CACNA1C: variants seen among roughly 807,000 people sequenced by gnomAD.
CACNA1C encodes voltage-dependent L-type calcium channel subunit alpha-1C.
CACNA1C carries 30 observed loss-of-function variants against 229.0 expected under a neutral mutation model. The ratio of observed to expected loss-of-function variants is 0.13; its 90% confidence interval spans 0.10 to 0.18. The LOEUF (loss-of-function observed/expected upper bound fraction) is 0.18. Ranked by LOEUF, CACNA1C falls within the 10% of genes least tolerant of loss-of-function variation. The pLI, the probability that CACNA1C is intolerant of heterozygous loss-of-function variation, is 1.00. For missense variants in CACNA1C, 1,658 were observed against 2,845.0 expected (o/e 0.58, Z 9.49); for synonymous variants, 1,114 against 1,132.5 (o/e 0.98, Z 0.33).
chr12:1,998,279 A>T (rs2041410428), intron 1 of CACNA1C, among the ~76,000 whole-genome samples: 1 of 152,220 alleles, frequency 6.6e-6, no homozygotes, highest in Non-Finnish European at 1.5e-5. Flanking sequence ...TAAGTGTGCT[A>T]TGCGGATTTA....
At position 2,597,297 on chromosome 12, in the gene CACNA1C, C is replaced by A. The variant is rs769463930; in HGVS notation, c.2853+8C>A. 2 of 1,603,986 alleles carry A rather than the reference C, an allele frequency of 1.2e-6. No homozygotes were observed. The highest frequency in any genetic ancestry group is 2.7e-5 in the African/African-American group (2 of 74,636). ...ATTGAAATTGCTCTGAAGGTAAAGC[C>A]CCCATCCCCTTCTGCTCCTCCTGTC... On this transcript the variant is annotated splice_region_variant and intron_variant, in intron 21 of 46. Coordinates refer to ENST00000399655, the MANE Select transcript of CACNA1C (RefSeq NM_000719.7). The surrounding 1 kb of genome is among the most constrained non-coding windows in gnomAD (Gnocchi z 4.3).
intron 3 of CACNA1C, among the ~76,000 whole-genome samples, chr12:2,338,322 A>G (rs1158491501): frequency 6.6e-6 from 1 of 152,206 alleles, no homozygotes; most frequent in East Asian, 1.9e-4. Context: ...TAGCATCCCC[A>G]TGCAGTCCAT....
chr12:1,973,647 A>G (rs1170548905), intron 1 of CACNA1C, among the ~76,000 whole-genome samples: 1 of 152,198 alleles, frequency 6.6e-6, no homozygotes, highest in Non-Finnish European at 1.5e-5. Context: ...ACCAAAGGTC[A>G]TATGGAATCT....
chr12:2,278,213 A>G (rs1350584202), intron 3 of CACNA1C, among the ~76,000 whole-genome samples: 2 of 152,248 alleles, frequency 1.3e-5, no homozygotes, highest in Non-Finnish European at 2.9e-5. Flanking sequence ...TTTCATACAT[A>G]AGATTCACCC....
intron 30 of CACNA1C, among the ~76,000 whole-genome samples, chr12:2,648,210 A>G (rs528653549): frequency 3.8e-4 from 58 of 152,278 alleles, no homozygotes; most frequent in African/African-American, 1.3e-3. Flanking sequence ...TGCTTATCTA[A>G]TAATATTATG....
At position 2,495,071 on chromosome 12, in the gene CACNA1C, C is replaced by T. The variant is rs978232764; in HGVS notation, c.1113+1685C>T. ...TGTTGTGATACTTTCAAAAAGAAGA[C>T]AAAGGTCAGAACCCCTCTGCCTCAA... is the stretch of plus-strand genomic sequence containing the variant. On this transcript the variant is annotated intron_variant, in intron 7 of 46. Coordinates refer to ENST00000399655, the MANE Select transcript of CACNA1C (RefSeq NM_000719.7). Among the ~76,000 whole-genome samples the T allele has an allele frequency of 3.3e-5, 5 of 152,200 alleles. No individual in the cohort carries two copies. The South Asian group carries it at 1.0e-3, about 31-fold the overall frequency.
chr12:2,661,688 A>G (rs1036906003), intron 34 of CACNA1C, among the ~76,000 whole-genome samples: 4 of 152,216 alleles, frequency 2.6e-5, no homozygotes, highest in African/African-American at 9.6e-5. Flanking sequence ...AAGAGAAAAA[A>G]GCAAGCAGTT....
chr12:2,259,508 C>T (rs10774035), intron 3 of CACNA1C, among the ~76,000 whole-genome samples: 44,304 of 152,036 alleles, frequency 0.29, 6,834 homozygotes, highest in Non-Finnish European at 0.34. Context: ...GAAGCAGAGC[C>T]GCTTTGAGAT....
intron 3 of CACNA1C, among the ~76,000 whole-genome samples, chr12:2,195,557 A>G (rs1416773499): frequency 1.3e-5 from 2 of 152,236 alleles, no homozygotes; most frequent in African/African-American, 2.4e-5. Flanking sequence ...AAATGCCATC[A>G]TCAAAATGTC....
rs1012695670 is a variant in CACNA1C, at chr12:2,053,473, G to C, written c.-90G>C. ...ATCTTGCGCGAAAGCCGCCGGCCTCGGAGGAGGGATTAATCCAGACCCGCC... is the reference window on the plus strand; with the variant it reads ...ATCTTGCGCGAAAGCCGCCGGCCTCCGAGGAGGGATTAATCCAGACCCGCC... On this transcript the variant is annotated 5_prime_UTR_variant, in exon 1 of 47. Transcript: ENST00000399655. The surrounding 1 kb of genome is among the most constrained non-coding windows in gnomAD (Gnocchi z 5.8). The C allele has an allele frequency of 5.3e-6, 8 of 1,503,612 alleles. No individual in the cohort carries two copies. The highest frequency in any genetic ancestry group is 6.2e-6 in the Non-Finnish European group (7 of 1,120,262). 93.1% of individuals were successfully genotyped at this position (1,503,612 alleles called of 1,614,324 possible).
chr12:2,135,780 C>CA (rs1565907465), intron 3 of CACNA1C, among the ~76,000 whole-genome samples: 1 of 146,678 alleles, frequency 6.8e-6, no homozygotes, highest in Admixed American at 6.7e-5. Context: ...GCCCTGCCCC[C>CA]AGAGGTGGAG....
chr12:2,020,132 G>T (rs1187120218), intron 1 of CACNA1C: 2 of 152,172 alleles, frequency 1.3e-5, no homozygotes, highest in Non-Finnish European at 1.5e-5. Flanking sequence ...GCAAGAATAT[G>T]ATGCCATTAA....
intron 34 of CACNA1C, among the ~76,000 whole-genome samples, chr12:2,662,834 C>T (rs538400002): frequency 6.6e-6 from 1 of 152,326 alleles, no homozygotes; most frequent in South Asian, 2.1e-4. Flanking sequence ...ACAAGACCCA[C>T]ACATCTACGC....
At position 2,264,749 on chromosome 12, in the gene CACNA1C, C is replaced by T. The variant is rs556950930; in HGVS notation, c.477+144319C>T. On this transcript the variant is annotated intron_variant, in intron 3 of 46. Coordinates refer to ENST00000399655, the MANE Select transcript of CACNA1C (RefSeq NM_000719.7). ...GATGAAACATGGACTCCCTTGGCAG[C>T]GAGTACTTCCTCAAGAGATATCTTG... Among the ~76,000 whole-genome samples, 5 of 152,330 alleles carry T rather than the reference C, an allele frequency of 3.3e-5. No homozygotes were observed. The South Asian group carries it at 6.2e-4, about 19-fold the overall frequency.
chr12:2,231,552 T>TGAGC (rs1197330406), intron 3 of CACNA1C, among the ~76,000 whole-genome samples: 1 of 152,152 alleles, frequency 6.6e-6, no homozygotes. Flanking sequence ...AGACAACAAA[T>TGAGC]GAGCTATCCA....
intron 3 of CACNA1C, among the ~76,000 whole-genome samples, chr12:2,143,430 C>T (rs1039391176): frequency 6.6e-6 from 1 of 151,100 alleles, no homozygotes; most frequent in Non-Finnish European, 1.5e-5. Context: ...ATGGTAAGTG[C>T]CCTATACAGG....
chr12:2,572,037 C>CTT (rs5796014), intron 13 of CACNA1C, among the ~76,000 whole-genome samples: 8 of 128,480 alleles, frequency 6.2e-5, no homozygotes, highest in African/African-American at 1.5e-4. Context: ...AATTTCTTCT[C>CTT]TTTTTTTTTT....
At chr12:2,655,386 A>C (rs894960509) in intron 34 of CACNA1C, 148 bp downstream of exon 34, 7 of 584,324 alleles carry the variant, frequency 1.2e-5, no homozygotes, top group Non-Finnish European at 2.1e-5. Flanking sequence ...CAAGGAGGCC[A>C]GTGGGTCCAT....
At chr12:1,984,964 A>T (rs549986693) in intron 1 of CACNA1C, among the ~76,000 whole-genome samples, 4 of 151,958 alleles carry the variant, frequency 2.6e-5, no homozygotes, top group Non-Finnish European at 5.9e-5. Flanking sequence ...TCTGATAAGA[A>T]ATCTGCAGTC....
Sources: gnomAD v4.1 joint callset for allele counts (sites outside exome capture counted in the v4.1 genomes callset) on GRCh38, gnomAD v4.1.1 for gene constraint, Gnocchi (gnomAD v3.1) non-coding constraint, MANE v1.5 for transcripts, NCBI Gene and HGNC (gene_info 2026-07-23, HGNC 2026-07-21) for gene names.